Variants in CCDC148 observed in about 807,000 individuals in gnomAD.
The protein encoded by CCDC148 is coiled-coil domain containing 148.
A neutral mutation model predicts 85.7 loss-of-function variants in CCDC148; 89 were observed. The observed-to-expected ratio is 1.04, with a 90% CI of 0.87 to 1.24. CCDC148 has a LOEUF of 1.24. CCDC148 is among the 50% of genes most tolerant of loss of function. The pLI is 0.00. For missense variants in CCDC148, 692 were observed against 671.7 expected (o/e 1.03, Z -0.33); for synonymous variants, 230 against 213.9 (o/e 1.08, Z -0.66).
chr2:158,398,800 C>T (rs1047822336), intron 1 of CCDC148, among the ~76,000 whole-genome samples: 1 of 152,002 alleles, frequency 6.6e-6, no homozygotes, highest in Admixed American at 6.6e-5. Flanking sequence ...GAGACAGAGA[C>T]ACAAAAAACC....
Position 158,239,812 on chromosome 2 carries a change from G to A in CCDC148, c.1251+10960C>T, listed in dbSNP as rs374897391. ...GGTCTGAATCCCAGTTTACTTGGGA[G>A]TCTTGTCTACAAAAAACATATGCTA... On this transcript the variant is annotated intron_variant, in intron 10 of 13. Coordinates refer to ENST00000283233, the MANE Select transcript of CCDC148 (RefSeq NM_138803.4). Among the ~76,000 whole-genome samples, 9 of 152,020 alleles carry A rather than the reference G, an allele frequency of 5.9e-5. No homozygotes were observed. The South Asian group carries it at 1.7e-3, about 28-fold the overall frequency.
At chr2:158,384,954 T>C (rs944467288) in intron 1 of CCDC148, among the ~76,000 whole-genome samples, 8 of 152,284 alleles carry the variant, frequency 5.3e-5, no homozygotes, top group East Asian at 1.9e-4. Flanking sequence ...GGAAAACCCA[T>C]TTGCCAGCTC....
rs2543641 is a variant in CCDC148, at chr2:158,403,664, C to T, written c.26-45094G>A. Among the ~76,000 whole-genome samples the T allele has an allele frequency of 4.6e-5, 7 of 151,354 alleles. No homozygotes were observed. In the South Asian group the frequency reaches 1.2e-3, roughly 27 times the overall value. ...CAAAATTTAAAAAGCCATAACGCTGCCAAGATTATTGGTCCTGTCTCAAAC... is the reference window on the plus strand; with the variant it reads ...CAAAATTTAAAAAGCCATAACGCTGTCAAGATTATTGGTCCTGTCTCAAAC... On this transcript the variant is annotated intron_variant, in intron 1 of 13. Coordinates refer to ENST00000283233, the MANE Select transcript of CCDC148 (RefSeq NM_138803.4).
chr2:158,327,524 C>A (rs1692841889), intron 7 of CCDC148, among the ~76,000 whole-genome samples: 2 of 152,132 alleles, frequency 1.3e-5, no homozygotes, highest in Admixed American at 1.3e-4. Context: ...CAATTCTGAA[C>A]CCAAATTCAT....
intron 9 of CCDC148, among the ~76,000 whole-genome samples, chr2:158,291,953 C>A (rs1690914471): frequency 2.0e-5 from 3 of 152,212 alleles, no homozygotes; most frequent in Admixed American, 2.0e-4. Flanking sequence ...AATTCCATCT[C>A]TTGTGAAAGT....
In CCDC148 at chr2:158,176,625, T is replaced by A. The variant is rs923583064; in HGVS notation, c.1525A>T (p.Met509Leu). 8 of 1,612,148 alleles carry A rather than the reference T, an allele frequency of 5.0e-6. No individual in the cohort carries two copies. The African/African-American group carries it at 1.1e-4, about 22-fold the overall frequency. ...GCTTTTGATGCCATTGTATCTGACA[T>A]CATTCTAACAGGATCAAATTGAGCA... ...VVAQFDPVRM[M>L]SDTMASKARM... The change falls in exon 13 of 14, where the codon ATG becomes TTG. Residue 509 changes from methionine to leucine, a missense_variant. Transcript: ENST00000283233.
intron 1 of CCDC148, among the ~76,000 whole-genome samples, chr2:158,426,268 T>A (rs1687073420): frequency 6.6e-6 from 1 of 152,066 alleles, no homozygotes; most frequent in East Asian, 1.9e-4. Context: ...TCTGTTAGTG[T>A]TATGTCACAG....
intron 9 of CCDC148, among the ~76,000 whole-genome samples, chr2:158,291,697 T>C (rs1390437608): frequency 6.6e-6 from 1 of 152,224 alleles, no homozygotes; most frequent in Non-Finnish European, 1.5e-5. Context: ...AGCCAAATGT[T>C]TATGTGTCTG....
Position 158,250,925 on chromosome 2 carries a change from G to T in CCDC148, c.1111-13C>A, listed in dbSNP as rs1243412081. The T allele has an allele frequency of 6.3e-7, 1 of 1,588,170 alleles. No individual in the cohort carries two copies. On this transcript the variant is annotated splice_polypyrimidine_tract_variant and intron_variant, in intron 9 of 13. Transcript: ENST00000283233. ...GCCATTGACGAACCTGAAATAAAGAGAAAAACTTCATTCCAGTAACTATGC... is the reference window on the plus strand; with the variant it reads ...GCCATTGACGAACCTGAAATAAAGATAAAAACTTCATTCCAGTAACTATGC...
intron 2 of CCDC148, among the ~76,000 whole-genome samples, chr2:158,351,632 G>C (rs931677921): frequency 3.9e-5 from 6 of 152,280 alleles, no homozygotes; most frequent in African/African-American, 9.6e-5. Flanking sequence ...ACTGCAAGGC[G>C]GCAGCGAGGC....
intron 1 of CCDC148, chr2:158,366,024 A>G: frequency 6.5e-7 from 1 of 1,539,146 alleles, no homozygotes; most frequent in Non-Finnish European, 8.8e-7. Flanking sequence ...CTGAGCTATC[A>G]TTTCTCTGAA....
At chr2:158,302,025 A>G (rs555835521) in intron 9 of CCDC148, among the ~76,000 whole-genome samples, 32 of 152,360 alleles carry the variant, frequency 2.1e-4, no homozygotes, top group African/African-American at 6.7e-4. Context: ...GAAACACTAC[A>G]AAGAATAAGA....
intron 10 of CCDC148, among the ~76,000 whole-genome samples, chr2:158,221,058 C>T (rs890189898): frequency 6.6e-6 from 1 of 152,186 alleles, no homozygotes; most frequent in Non-Finnish European, 1.5e-5. Flanking sequence ...ACCTGTTACT[C>T]AAGAATATTT....
intron 1 of CCDC148, among the ~76,000 whole-genome samples, chr2:158,403,737 G>A (rs1685888362): frequency 6.6e-6 from 1 of 151,822 alleles, no homozygotes; most frequent in Non-Finnish European, 1.5e-5. Context: ...ACACTGTTTT[G>A]TCTTGTCATT....
intron 2 of CCDC148, among the ~76,000 whole-genome samples, chr2:158,358,018 G>A (rs1301808189): frequency 2.6e-5 from 4 of 152,142 alleles, no homozygotes; most frequent in African/African-American, 9.7e-5. Flanking sequence ...ACCCTGGCTT[G>A]GAACATATAT....
In CCDC148 at chr2:158,340,327, C is replaced by T. The variant is rs754790998; in HGVS notation, c.401G>A (p.Arg134Lys). 3.1e-6 allele frequency: 5 copies of T among 1,613,796 alleles called. No homozygotes were observed. Among genetic ancestry groups the T allele is most frequent in the Non-Finnish European group, 4.2e-6 (5 of 1,179,948 alleles). Reference protein sequence around the residue: ...KNVINPIQQLRADLKYRQHHT... With the variant: ...KNVINPIQQLKADLKYRQHHT... ...ATGCTGTCTGTATTTTAGATCTGCT[C>T]TCAGCTGCTGAATAGGATTTATTAC... Residue 134 changes from arginine to lysine, a missense_variant, in exon 5 of 14, where the codon AGA (arginine) becomes AAA (lysine). Arg to Lys is a conservative substitution (Grantham distance 26, BLOSUM62 2). Transcript: ENST00000283233.
intron 8 of CCDC148, among the ~76,000 whole-genome samples, chr2:158,312,678 C>G (rs1162827515): frequency 6.6e-6 from 1 of 150,458 alleles, no homozygotes; most frequent in Admixed American, 6.6e-5. Context: ...TTATAAATAA[C>G]AACTTGTCAC....
chr2:158,223,279 C>T (rs1006594038), intron 10 of CCDC148, among the ~76,000 whole-genome samples: 4 of 152,144 alleles, frequency 2.6e-5, no homozygotes, highest in African/African-American at 7.2e-5. Context: ...GAGGGACACC[C>T]GCCATTGCTG....
intron 9 of CCDC148, among the ~76,000 whole-genome samples, chr2:158,281,091 C>A (rs532451569): frequency 1.3e-5 from 2 of 152,200 alleles, no homozygotes; most frequent in African/African-American, 4.8e-5. Context: ...AGAACAAAGA[C>A]ACAACATACC....
Sources: gnomAD v4.1 joint callset for allele counts (sites outside exome capture counted in the v4.1 genomes callset) on GRCh38, gnomAD v4.1.1 for gene constraint, MANE v1.5 for transcripts, NCBI Gene and HGNC (gene_info 2026-07-23, HGNC 2026-07-21) for gene names.